The following RHOT1 variants were observed in gnomAD, a reference collection of about 807,000 sequenced individuals.
RHOT1 encodes ras homolog family member T1.
A neutral mutation model predicts 95.3 loss-of-function variants in RHOT1; 27 were observed. The observed-to-expected ratio is 0.28, with a 90% CI of 0.21 to 0.39. The LOEUF (loss-of-function observed/expected upper bound fraction) is 0.39. RHOT1 is among the 10% of genes least tolerant of loss of function. The pLI is 1.00. For synonymous variants in RHOT1, 227 were observed against 263.5 expected, an observed-to-expected ratio of 0.86 and a Z score of 1.34; for missense variants, 578 against 786.7, an observed-to-expected ratio of 0.73 and a Z score of 3.17.
intron 6 of RHOT1, among the ~76,000 whole-genome samples, chr17:32,182,233 A>T (rs2035693132): frequency 6.6e-6 from 1 of 152,204 alleles, no homozygotes. Flanking sequence ...CAGGCATAGT[A>T]GCTCATACCT....
At chr17:32,146,941 A>T (rs1169913488) in intron 1 of RHOT1, among the ~76,000 whole-genome samples, 3 of 114,706 alleles carry the variant, frequency 2.6e-5, no homozygotes, top group Non-Finnish European at 5.1e-5. Flanking sequence ...AGAGGGTTTC[A>T]CTGTGTTGGC....
intron 15 of RHOT1, among the ~76,000 whole-genome samples, chr17:32,203,269 C>CTTCTTTTTTT (rs1485362280): frequency 9.7e-5 from 7 of 72,332 alleles, no homozygotes; most frequent in African/African-American, 4.3e-4. Context: ...TCTTCTTCTT[C>CTTCTTTTTTT]TTTTTTTTTT....
chr17:32,159,297 T>G (rs1421717185), intron 1 of RHOT1: 2 of 152,684 alleles, frequency 1.3e-5, no homozygotes, highest in Non-Finnish European at 2.9e-5. Context: ...GAGCCTGATA[T>G]CCCCAGAGCC....
At chr17:32,147,837 T>C (rs1182478255) in intron 1 of RHOT1, among the ~76,000 whole-genome samples, 1 of 150,600 alleles carries the variant, frequency 6.6e-6, no homozygotes, top group African/African-American at 2.4e-5. Flanking sequence ...AAAAAAAGAT[T>C]AAACTGCTCC....
At chr17:32,175,543 A>G (rs2034929472) in intron 4 of RHOT1, among the ~76,000 whole-genome samples, 181 bp downstream of exon 4, 1 of 152,066 alleles carries the variant, frequency 6.6e-6, no homozygotes, top group Admixed American at 6.6e-5. Context: ...CGCAACCTCC[A>G]TCTCGCAGGC....
chr17:32,159,094 G>A (rs1008538628), intron 1 of RHOT1, among the ~76,000 whole-genome samples: 21 of 152,166 alleles, frequency 1.4e-4, no homozygotes, highest in African/African-American at 2.2e-4. Flanking sequence ...TCCCCACACC[G>A]TGTCTCAGGA....
chr17:32,219,618 C>T (rs1598477395), intron 19 of RHOT1, among the ~76,000 whole-genome samples: 1 of 152,162 alleles, frequency 6.6e-6, no homozygotes, highest in Admixed American at 6.6e-5. Flanking sequence ...ACATTTTCTT[C>T]TCTCTGCATT....
At chr17:32,216,601 G>A (rs1004784260) in intron 19 of RHOT1, among the ~76,000 whole-genome samples, 12 of 151,980 alleles carry the variant, frequency 7.9e-5, no homozygotes, top group Non-Finnish European at 1.6e-4. Context: ...TTAAATATAT[G>A]TGTGACTTTT....
At chr17:32,146,693 CATGA>C (rs2142342394) in intron 1 of RHOT1, among the ~76,000 whole-genome samples, 1 of 146,814 alleles carries the variant, frequency 6.8e-6, no homozygotes, top group African/African-American at 2.5e-5. Context: ...CTCCTGACTT[CATGA>C]TCTGCCTTCC....
At chr17:32,206,195 T>A (rs1168083315) in intron 16 of RHOT1, among the ~76,000 whole-genome samples, 1 of 124,004 alleles carries the variant, frequency 8.1e-6, no homozygotes, top group East Asian at 2.1e-4. Context: ...ATAGAATCTT[T>A]TTTTTTTTTT....
At chr17:32,210,172 G>A (rs2142903823) in intron 18 of RHOT1, among the ~76,000 whole-genome samples, 1 of 152,298 alleles carries the variant, frequency 6.6e-6, no homozygotes, top group African/African-American at 2.4e-5. Context: ...GTTACAGGAA[G>A]TGATGTCATT....
In RHOT1 at chr17:32,142,573, C is replaced by T. The variant is rs1446850631; in HGVS notation, c.-120C>T. 7.8e-6 allele frequency: 6 copies of T among 771,972 alleles called. No individual in the cohort carries two copies. Among genetic ancestry groups the T allele is most frequent in the African/African-American group, 3.7e-5 (2 of 53,768 alleles). The allele number at this position is 771,972 out of a possible 1,614,324, so 47.8% of individuals were successfully genotyped here. On this transcript the variant is annotated 5_prime_UTR_variant, in exon 1 of 20. Transcript: ENST00000545287. ...TCTTGCGGGGAAGCAACTGAGGGGG[C>T]GGCGCGGCGGGCCCCGGCGGCCGAA... is the stretch of plus-strand genomic sequence containing the variant.
intron 17 of RHOT1, chr17:32,207,624 A>G (rs2037848380): frequency 6.5e-6 from 1 of 153,740 alleles, no homozygotes. Flanking sequence ...TAAAAACAAT[A>G]AATGTAAAAT....
chr17:32,142,781 GC>G, intron 1 of RHOT1, 52 bp downstream of exon 1: 1 of 1,445,680 alleles, frequency 6.9e-7, no homozygotes, highest in Non-Finnish European at 9.2e-7. Context: ...CCCTGCCCCT[GC>G]AGCCCCTGTC....
At chr17:32,158,289 A>G (rs2033167590) in intron 1 of RHOT1, among the ~76,000 whole-genome samples, 1 of 152,250 alleles carries the variant, frequency 6.6e-6, no homozygotes, top group Non-Finnish European at 1.5e-5. Flanking sequence ...AAGATGGGTC[A>G]TGTAGAAGCG....
intron 9 of RHOT1, among the ~76,000 whole-genome samples, chr17:32,192,861 G>A (rs978041205): frequency 6.6e-6 from 1 of 151,784 alleles, no homozygotes; most frequent in Non-Finnish European, 1.5e-5. Context: ...TAGTAGAGAC[G>A]GGGTTTCACC....
intron 1 of RHOT1, among the ~76,000 whole-genome samples, chr17:32,169,464 G>T (rs1390413796): frequency 6.6e-6 from 1 of 152,142 alleles, no homozygotes; most frequent in East Asian, 1.9e-4. Flanking sequence ...AAATGTAATA[G>T]GAGACTTTCT....
chr17:32,151,986 A>ACTAGATGG (rs1451954601), intron 1 of RHOT1, among the ~76,000 whole-genome samples: 1 of 152,202 alleles, frequency 6.6e-6, no homozygotes, highest in Admixed American at 6.5e-5. Context: ...TACTTCACAA[A>ACTAGATGG]CTAGATGGTA....
At chr17:32,202,152 T>G (rs931920638) in intron 14 of RHOT1, among the ~76,000 whole-genome samples, 3 of 152,206 alleles carry the variant, frequency 2.0e-5, no homozygotes, top group Admixed American at 6.5e-5. Flanking sequence ...CCTTGTGATC[T>G]GCCCCTGTTG....
Sources: gnomAD v4.1 joint callset for allele counts (sites outside exome capture counted in the v4.1 genomes callset) on GRCh38, gnomAD v4.1.1 for gene constraint, MANE v1.5 for transcripts, NCBI Gene and HGNC (gene_info 2026-07-23, HGNC 2026-07-21) for gene names.